Variants in ZNF423 observed in about 807,000 individuals in gnomAD.
The protein encoded by ZNF423 is zinc finger protein 423, also known as Ebf-associated zinc finger protein.
A neutral mutation model predicts 95.8 loss-of-function variants in ZNF423; 12 were observed. That is an observed-to-expected ratio of 0.13 (90% CI 0.08 to 0.20). The LOEUF (loss-of-function observed/expected upper bound fraction) is 0.20, where lower values mean the gene tolerates loss of function less well. ZNF423 is among the 10% of genes least tolerant of loss of function. ZNF423 has a pLI of 1.00. For synonymous variants in ZNF423, 749 were observed against 711.9 expected (o/e 1.05, Z -0.83); for missense variants, 1,316 against 1,737.1 (o/e 0.76, Z 4.31).
At chr16:49,500,722 C>T (rs533706605) in intron 7 of ZNF423, among the ~76,000 whole-genome samples, 1 of 151,500 alleles carries the variant, frequency 6.6e-6, no homozygotes, top group African/African-American at 2.4e-5. Flanking sequence ...TGAGATCAGC[C>T]TGGGTGAAAC....
intron 2 of ZNF423, among the ~76,000 whole-genome samples, chr16:49,743,454 C>T (rs1417686364): frequency 6.6e-6 from 1 of 152,192 alleles, no homozygotes; most frequent in African/African-American, 2.4e-5. Flanking sequence ...CCCTTCTCCA[C>T]CTCTCAGCAC....
intron 5 of ZNF423, among the ~76,000 whole-genome samples, chr16:49,601,384 G>T (rs535659424): frequency 1.1e-4 from 17 of 152,320 alleles, no homozygotes; most frequent in African/African-American, 4.1e-4. Context: ...TAAGTGTTTA[G>T]AACAGGGCCT....
At chr16:49,842,312 GGA>G (rs2035194155) in intron 1 of ZNF423, among the ~76,000 whole-genome samples, 20 of 40,450 alleles carry the variant, frequency 4.9e-4, no homozygotes, top group African/African-American at 7.7e-4. Flanking sequence ...GGGAGGCGAG[GGA>G]AGGGAAGGGA....
rs542883934 is a variant in ZNF423, at chr16:49,785,140, G to A, written c.100+4347C>T. 2.6e-5 allele frequency among the ~76,000 whole-genome samples: 4 copies of A among 152,212 alleles called. No homozygotes were observed. In the East Asian group the frequency reaches 5.8e-4, roughly 22 times the overall value. ...CACCCAGGCTGGAGTGCAGTGTCAT[G>A]ATCATAACTCACCGTAACCTCAAAC... On this transcript the variant is annotated intron_variant, in intron 2 of 7. Coordinates refer to ENST00000563137, the MANE Select transcript of ZNF423 (RefSeq NM_001379286.1).
At chr16:49,563,868 T>G (rs933278348) in intron 5 of ZNF423, among the ~76,000 whole-genome samples, 1 of 152,256 alleles carries the variant, frequency 6.6e-6, no homozygotes, top group Non-Finnish European at 1.5e-5. Flanking sequence ...GAGAATTCCA[T>G]GTCTGCTCAA....
intron 2 of ZNF423, among the ~76,000 whole-genome samples, chr16:49,785,279 C>T (rs1170943945): frequency 6.6e-6 from 1 of 152,112 alleles, no homozygotes; most frequent in Non-Finnish European, 1.5e-5. Context: ...CAGGCTCTCA[C>T]TATATTACCC....
intron 1 of ZNF423, chr16:49,854,610 C>T: frequency 1.0e-6 from 1 of 985,402 alleles, no homozygotes; most frequent in Non-Finnish European, 1.2e-6. Context: ...CGATCATCTC[C>T]CATCTCACAG....
chr16:49,588,392 C>G (rs1324044576), intron 5 of ZNF423, among the ~76,000 whole-genome samples: 1 of 152,216 alleles, frequency 6.6e-6, no homozygotes, highest in Non-Finnish European at 1.5e-5. Context: ...TAAGCCCCAT[C>G]CCCAAAGGAC....
chr16:49,847,201 G>C (rs777482327), intron 1 of ZNF423: 3 of 152,244 alleles, frequency 2.0e-5, no homozygotes, highest in African/African-American at 7.2e-5. Flanking sequence ...AGGCAGTGAA[G>C]AGTTTGCAAA....
intron 2 of ZNF423, 116 bp downstream of exon 2, chr16:49,789,371 A>G (rs1281179689): frequency 1.0e-6 from 1 of 967,786 alleles, no homozygotes; most frequent in Non-Finnish European, 1.5e-6. Context: ...TCTGGATTGG[A>G]GGCAGGAATG....
At chr16:49,850,123 T>C (rs2035287364) in intron 1 of ZNF423, among the ~76,000 whole-genome samples, 1 of 152,258 alleles carries the variant, frequency 6.6e-6, no homozygotes, top group South Asian at 2.1e-4. Flanking sequence ...TATTTTTATT[T>C]ACTGAGTGTA....
intron 7 of ZNF423, among the ~76,000 whole-genome samples, chr16:49,518,934 T>G (rs2151697029): frequency 6.6e-6 from 1 of 152,250 alleles, no homozygotes; most frequent in South Asian, 2.1e-4. Context: ...TGTGGTGGTG[T>G]GCACCTATAG....
At chr16:49,532,351 G>A (rs1029222589) in intron 5 of ZNF423, among the ~76,000 whole-genome samples, 8 of 152,124 alleles carry the variant, frequency 5.3e-5, no homozygotes, top group Non-Finnish European at 1.0e-4. Flanking sequence ...GCTCAGCCAT[G>A]GCTTGAAGGC....
At chr16:49,778,382 G>GCA (rs2034155600) in intron 2 of ZNF423, among the ~76,000 whole-genome samples, 2 of 152,234 alleles carry the variant, frequency 1.3e-5, no homozygotes, top group Admixed American at 1.3e-4. Flanking sequence ...CACGCCAGGT[G>GCA]GTGTGGTCAA....
At chr16:49,543,419 G>A (rs948505249) in intron 5 of ZNF423, among the ~76,000 whole-genome samples, 4 of 151,998 alleles carry the variant, frequency 2.6e-5, no homozygotes, top group South Asian at 2.1e-4. Flanking sequence ...CCCACCCATC[G>A]ACTGGCCTAA....
chr16:49,665,701 AG>A (rs1317108779), intron 3 of ZNF423, among the ~76,000 whole-genome samples: 5 of 151,692 alleles, frequency 3.3e-5, no homozygotes, highest in African/African-American at 1.2e-4. Flanking sequence ...AGACTCGGGG[AG>A]CCCCCCATCA....
chr16:49,650,009 G>A (rs1973338972), intron 3 of ZNF423, among the ~76,000 whole-genome samples: 2 of 152,212 alleles, frequency 1.3e-5, no homozygotes, highest in African/African-American at 4.8e-5. Flanking sequence ...TATAAGCAAG[G>A]AAAAGTAGGG....
intron 3 of ZNF423, among the ~76,000 whole-genome samples, chr16:49,722,789 C>T (rs187300256): frequency 6.6e-6 from 1 of 152,078 alleles, no homozygotes; most frequent in Admixed American, 6.5e-5. Flanking sequence ...AGCAATCCTG[C>T]GGAGAGGGAA....
At chr16:49,596,767 C>T (rs967470146) in intron 5 of ZNF423, among the ~76,000 whole-genome samples, 1 of 152,108 alleles carries the variant, frequency 6.6e-6, no homozygotes, top group Non-Finnish European at 1.5e-5. Context: ...AGCATCAGCC[C>T]GGGAAGGTGG....
Sources: gnomAD v4.1 joint callset for allele counts (sites outside exome capture counted in the v4.1 genomes callset) on GRCh38, gnomAD v4.1.1 for gene constraint, MANE v1.5 for transcripts, NCBI Gene and HGNC (gene_info 2026-07-23, HGNC 2026-07-21) for gene names.